The following INPP4A variants were observed in gnomAD, a reference collection of about 807,000 sequenced individuals.
The protein encoded by INPP4A is inositol polyphosphate-4-phosphatase type I A, also known as inositol polyphosphate-4-phosphatase, type I, 107kD.
A neutral mutation model predicts 119.8 loss-of-function variants in INPP4A; 33 were observed. That is an observed-to-expected ratio of 0.28 (90% confidence interval 0.21 to 0.37). The LOEUF is 0.37. INPP4A is among the 10% of genes least tolerant of loss of function. INPP4A has a pLI of 1.00. For missense variants in INPP4A, 956 were observed against 1,289.9 expected, an observed-to-expected ratio of 0.74 and a Z score of 3.97; for synonymous variants, 496 against 500.7, an observed-to-expected ratio of 0.99 and a Z score of 0.12.
chr2:98,526,915 G>C (rs1688278868), intron 4 of INPP4A, among the ~76,000 whole-genome samples: 1 of 152,178 alleles, frequency 6.6e-6, no homozygotes, highest in Admixed American at 6.5e-5. Flanking sequence ...CGTAAACTCA[G>C]AGCTAGAACT....
intron 1 of INPP4A, among the ~76,000 whole-genome samples, chr2:98,502,130 A>G (rs1395512719): frequency 6.6e-6 from 1 of 152,216 alleles, no homozygotes; most frequent in Non-Finnish European, 1.5e-5. Context: ...TTATGGGGCC[A>G]GATGATAGTC....
intron 21 of INPP4A, among the ~76,000 whole-genome samples, chr2:98,567,329 C>A (rs1201551575): frequency 1.3e-5 from 2 of 152,128 alleles, no homozygotes; most frequent in Non-Finnish European, 2.9e-5. Flanking sequence ...GGAGAGTACA[C>A]CAGACAGACC....
chr2:98,461,947 A>G (rs1232796673), intron 1 of INPP4A, among the ~76,000 whole-genome samples: 1 of 152,230 alleles, frequency 6.6e-6, no homozygotes, highest in Non-Finnish European at 1.5e-5. Flanking sequence ...AGTTTTGTGA[A>G]GGAAGCTGCA....
chr2:98,483,102 T>C (rs1001400334), intron 1 of INPP4A, among the ~76,000 whole-genome samples: 1 of 152,234 alleles, frequency 6.6e-6, no homozygotes, highest in Non-Finnish European at 1.5e-5. Flanking sequence ...TACTCTATAA[T>C]AATAAAATGT....
chr2:98,552,892 G>A lies in INPP4A; in HGVS notation c.1270G>A (p.Ala424Thr), dbSNP rs745803782. 8 of 1,613,680 alleles carry A rather than the reference G, an allele frequency of 5.0e-6. No homozygotes were observed. The highest frequency in any genetic ancestry group is 3.3e-5 in the Admixed American group (2 of 59,978). ...CCTGAAAACCCAAGTGAGTTACTACGCAGAGCGGCTGTCAAGGGCAGCCAA... is the reference window on the plus strand; with the variant it reads ...CCTGAAAACCCAAGTGAGTTACTACACAGAGCGGCTGTCAAGGGCAGCCAA... Reference protein sequence around the residue: ...NTLKTQVSYYAERLSRAAKDR... With the variant: ...NTLKTQVSYYTERLSRAAKDR... Residue 424 changes from alanine to threonine, a missense_variant, in exon 14 of 25, where the codon GCA becomes ACA. This residue lies in a region of INPP4A where 652 missense variants were observed against 797.9 expected (regional missense o/e 0.82). Transcript: ENST00000409851.
intron 1 of INPP4A, among the ~76,000 whole-genome samples, chr2:98,503,543 G>A (rs186692406): frequency 1.3e-4 from 20 of 152,248 alleles, no homozygotes; most frequent in African/African-American, 4.8e-4. Flanking sequence ...AGCAGCATGG[G>A]GCATGCATCT....
At chr2:98,521,993 A>G (rs1342702197) in intron 4 of INPP4A, among the ~76,000 whole-genome samples, 4 of 152,192 alleles carry the variant, frequency 2.6e-5, no homozygotes, top group African/African-American at 9.7e-5. Context: ...TTAAAGAAAT[A>G]ATAATTTATA....
chr2:98,558,973 G>C (rs1330095648), intron 16 of INPP4A, among the ~76,000 whole-genome samples: 9 of 152,126 alleles, frequency 5.9e-5, no homozygotes, highest in Admixed American at 5.9e-4. Flanking sequence ...TAACACTTTG[G>C]ATCTCAGCAG....
intron 21 of INPP4A, among the ~76,000 whole-genome samples, chr2:98,567,611 A>C (rs144161572): frequency 9.1e-4 from 138 of 152,326 alleles, no homozygotes; most frequent in African/African-American, 3.2e-3. Context: ...AGCCAGGTGC[A>C]TTGAATAGAG....
At chr2:98,454,989 ATACAGTGG>A (rs1695869297) in intron 1 of INPP4A, among the ~76,000 whole-genome samples, 1 of 152,206 alleles carries the variant, frequency 6.6e-6, no homozygotes, top group African/African-American at 2.4e-5. Context: ...TCAAATGGCA[ATACAGTGG>A]TATGTTTGAC....
In INPP4A at chr2:98,563,784, TAGAG is replaced by T. The variant is rs1695926835; in HGVS notation, c.2028+150_2028+153del. The T allele has an allele frequency of 3.9e-5, 30 of 778,440 alleles. No homozygotes were observed. The South Asian group carries it at 5.5e-4, about 14-fold the overall frequency. The allele number at this position is 778,440 out of a possible 1,614,324, so 48.2% of individuals were successfully genotyped here. ...TGGTGGTGCTTTAAAGGTTATTTAA[TAGAG>T]AGGTCTACATTTCAACACAGTCAGG... On this transcript the variant is annotated intron_variant, in intron 18 of 24. Transcript: ENST00000409851.
chr2:98,467,289 G>A (rs777977165), intron 1 of INPP4A, among the ~76,000 whole-genome samples: 17 of 152,136 alleles, frequency 1.1e-4, no homozygotes, highest in Non-Finnish European at 2.2e-4. Context: ...CTTCCCATTA[G>A]GCCCCACTTC....
At chr2:98,553,755 T>C (rs1693973053) in intron 14 of INPP4A, among the ~76,000 whole-genome samples, 1 of 152,240 alleles carries the variant, frequency 6.6e-6, no homozygotes, top group Non-Finnish European at 1.5e-5. Flanking sequence ...AGTAACATTA[T>C]GAACCACAGA....
chr2:98,549,066 C>T, intron 13 of INPP4A: 1 of 1,086,224 alleles, frequency 9.2e-7, no homozygotes, highest in Non-Finnish European at 1.4e-6. Context: ...TGGGCTTCCC[C>T]TGCGGTGCTG....
chr2:98,446,257 T>C (rs777246266), intron 1 of INPP4A, among the ~76,000 whole-genome samples: 3 of 152,252 alleles, frequency 2.0e-5, no homozygotes, highest in Non-Finnish European at 2.9e-5. Context: ...GAATTGAGCC[T>C]AATTTTTCTT....
At chr2:98,485,177 T>C (rs771092552) in intron 1 of INPP4A, among the ~76,000 whole-genome samples, 4 of 152,230 alleles carry the variant, frequency 2.6e-5, no homozygotes, top group Non-Finnish European at 4.4e-5. Flanking sequence ...GCAGGGTCCT[T>C]GCTGCTTGCA....
Position 98,546,851 on chromosome 2 carries a change from G to A in INPP4A, c.1163+157G>A, listed in dbSNP as rs1200058968. Among the ~76,000 whole-genome samples, 1 of 152,216 alleles carries A rather than the reference G, an allele frequency of 6.6e-6. No homozygotes were observed. Among genetic ancestry groups the A allele is most frequent in the Non-Finnish European group, 1.5e-5 (1 of 68,034 alleles). ...TGCCTTATGGAGCCTGTGCTGCTCT[G>A]TTTATGTGTGACTGAGCTGGGTGGG... On this transcript the variant is annotated intron_variant, in intron 13 of 24. Transcript: ENST00000409851. The surrounding 1 kb of genome is among the most constrained non-coding windows in gnomAD (Gnocchi z 4.2).
At chr2:98,510,418 A>G (rs906719844) in intron 1 of INPP4A, among the ~76,000 whole-genome samples, 1 of 152,212 alleles carries the variant, frequency 6.6e-6, no homozygotes, top group Non-Finnish European at 1.5e-5. Flanking sequence ...CCATGTCCCT[A>G]TCCAAGGTAT....
chr2:98,525,104 T>C (rs1026845119), intron 4 of INPP4A, among the ~76,000 whole-genome samples: 2 of 152,238 alleles, frequency 1.3e-5, no homozygotes, highest in African/African-American at 4.8e-5. Context: ...TCATTCGCGT[T>C]GTTGGCAGAA....
Sources: allele counts gnomAD v4.1 joint callset (sites outside exome capture counted in the v4.1 genomes callset), GRCh38; gene constraint gnomAD v4.1.1; regional missense constraint gnomAD v4.1.1; non-coding constraint Gnocchi (gnomAD v3.1); transcripts MANE v1.5; gene names NCBI Gene and HGNC (gene_info 2026-07-23, HGNC 2026-07-21).